Variants in CRIM1 observed in about 807,000 individuals in gnomAD.
The protein encoded by CRIM1 is cysteine-rich motor neuron 1 protein.
CRIM1 carries 32 observed loss-of-function variants against 116.4 expected under a neutral mutation model. The observed-to-expected ratio is 0.27, with a 90% CI of 0.21 to 0.37. The LOEUF (loss-of-function observed/expected upper bound fraction) is 0.37. Among genes scored for constraint, CRIM1 ranks in the 10% least tolerant of loss-of-function variants. The pLI is 1.00. For missense variants in CRIM1, 1,331 were observed against 1,354.8 expected (o/e 0.98, Z 0.28); for synonymous variants, 590 against 509.2 (o/e 1.16, Z -2.13).
intron 1 of CRIM1, among the ~76,000 whole-genome samples, chr2:36,371,627 A>G (rs1328997163): frequency 1.3e-5 from 2 of 152,228 alleles, no homozygotes; most frequent in East Asian, 1.9e-4. Flanking sequence ...AATTTTTTGT[A>G]ATGTTTCCAT....
At chr2:36,464,458 C>T (rs937618004) in intron 4 of CRIM1, 76 bp from the exon 5 acceptor site, 1 of 1,544,688 alleles carries the variant, frequency 6.5e-7, no homozygotes, top group African/African-American at 1.4e-5. Flanking sequence ...CAGCCACTGC[C>T]ACTTTGTTTG....
At chr2:36,409,114 A>G (rs1433244702) in intron 2 of CRIM1, among the ~76,000 whole-genome samples, 1 of 152,162 alleles carries the variant, frequency 6.6e-6, no homozygotes, top group African/African-American at 2.4e-5. Context: ...TCATACGTAA[A>G]AATATACCAC....
At chr2:36,456,366 A>C (rs559773884) in intron 4 of CRIM1, among the ~76,000 whole-genome samples, 1 of 152,128 alleles carries the variant, frequency 6.6e-6, no homozygotes, top group Non-Finnish European at 1.5e-5. Flanking sequence ...CAAAGCATCT[A>C]TTTTCTGAGG....
At chr2:36,377,327 A>G (rs1670401288) in intron 1 of CRIM1, among the ~76,000 whole-genome samples, 1 of 152,262 alleles carries the variant, frequency 6.6e-6, no homozygotes, top group Non-Finnish European at 1.5e-5. Context: ...TGTTAGGGAT[A>G]CAGTCTCAAG....
Position 36,513,602 on chromosome 2 carries a change from C to T in CRIM1, c.1827C>T (p.Leu609=). The stretch of plus-strand genomic sequence containing the variant: ...CACCCATCCTGTCGGGCACTTGTCT[C>T]ACCGTGGATGGTCATCATCATAAAA... ...AGPPILSGTC[L]TVDGHHHKNE... Residue 609 remains leucine (L), a synonymous_variant, in exon 11 of 17, where the codon CTC becomes CTT. Coordinates refer to ENST00000280527, the MANE Select transcript of CRIM1 (RefSeq NM_016441.3). 1 of 1,614,172 alleles carries T rather than the reference C, an allele frequency of 6.2e-7. No individual in the cohort carries two copies. Among genetic ancestry groups the T allele is most frequent in the Non-Finnish European group, 8.5e-7 (1 of 1,180,028 alleles).
chr2:36,444,400 T>C (rs953215927), intron 4 of CRIM1, among the ~76,000 whole-genome samples: 1 of 152,306 alleles, frequency 6.6e-6, no homozygotes, highest in South Asian at 2.1e-4. Context: ...TAGATTTCTT[T>C]CCGTCTGGAT....
intron 11 of CRIM1, among the ~76,000 whole-genome samples, chr2:36,516,201 T>A (rs1303260643): frequency 6.6e-6 from 1 of 152,216 alleles, no homozygotes; most frequent in Non-Finnish European, 1.5e-5. Context: ...ACCACCACTT[T>A]GAAAGTCATA....
At chr2:36,419,470 C>G (rs1008087895) in intron 2 of CRIM1, among the ~76,000 whole-genome samples, 7 of 152,148 alleles carry the variant, frequency 4.6e-5, no homozygotes, top group African/African-American at 1.7e-4. Context: ...TCATTGACAT[C>G]CCAGAATAGG....
chr2:36,399,302 G>C (rs1672253673), intron 2 of CRIM1, among the ~76,000 whole-genome samples: 1 of 152,206 alleles, frequency 6.6e-6, no homozygotes, highest in African/African-American at 2.4e-5. Flanking sequence ...GGTTGTGGTG[G>C]AATGCAAACT....
chr2:36,521,034 T>C (rs1665353672), intron 12 of CRIM1, among the ~76,000 whole-genome samples: 2 of 152,226 alleles, frequency 1.3e-5, no homozygotes, highest in South Asian at 4.1e-4. Context: ...TGATTAGAAG[T>C]GCTCTCTTAT....
intron 14 of CRIM1, among the ~76,000 whole-genome samples, chr2:36,541,224 A>T (rs1408681997): frequency 6.6e-6 from 1 of 152,182 alleles, no homozygotes. Flanking sequence ...CCTCCCAGAA[A>T]TGCTGTGAGG....
At chr2:36,538,145 C>A (rs570471394) in intron 14 of CRIM1, among the ~76,000 whole-genome samples, 1 of 152,262 alleles carries the variant, frequency 6.6e-6, no homozygotes, top group South Asian at 2.1e-4. Context: ...CATCTTTCCC[C>A]ACGCCCCACT....
intron 15 of CRIM1, among the ~76,000 whole-genome samples, chr2:36,546,763 ATTTTTTTT>A (rs775086985): frequency 1.3e-4 from 13 of 101,850 alleles, no homozygotes; most frequent in East Asian, 3.4e-4. Context: ...TCTCACTCTG[ATTTTTTTT>A]TTTTTTTTTT....
At chr2:36,454,774 A>T (rs925159757) in intron 4 of CRIM1, among the ~76,000 whole-genome samples, 55 of 152,236 alleles carry the variant, frequency 3.6e-4, no homozygotes, top group African/African-American at 1.3e-3. Flanking sequence ...TTGGCATGGA[A>T]TGAGTAGTGA....
chr2:36,472,026 T>A (rs1378515189), intron 5 of CRIM1, among the ~76,000 whole-genome samples: 3 of 152,212 alleles, frequency 2.0e-5, no homozygotes, highest in Admixed American at 6.5e-5. Context: ...TACAAAATTC[T>A]CTTTTAGGAG....
chr2:36,504,196 G>A (rs1240373445), intron 8 of CRIM1, among the ~76,000 whole-genome samples: 3 of 152,066 alleles, frequency 2.0e-5, no homozygotes, highest in Admixed American at 2.0e-4. Context: ...TTAAAACAAG[G>A]CCAGCACCCC....
In CRIM1 at chr2:36,550,886, G is replaced by A. The variant is rs1667728616; in HGVS notation, c.*2185G>A. ...AAAATACTAACAGGATATAGGACAA[G>A]GTGTAAATTTTTTTATTATTATTTT... On this transcript the variant is annotated 3_prime_UTR_variant, in exon 17 of 17. Transcript: ENST00000280527. 1 of 152,334 alleles carries A rather than the reference G, an allele frequency of 6.6e-6. No homozygotes were observed. The allele number at this position is 152,334 out of a possible 1,614,324, so 9.4% of individuals were successfully genotyped here. A position where few individuals can be genotyped will look rare whatever the true frequency, so the allele number is the denominator to read the frequency against.
chr2:36,447,339 AT>A (rs1676324246), intron 4 of CRIM1, among the ~76,000 whole-genome samples: 1 of 152,206 alleles, frequency 6.6e-6, no homozygotes, highest in South Asian at 2.1e-4. Context: ...GGGAATATGA[AT>A]TTATATCTCA....
chr2:36,363,445 A>C (rs1285762260), intron 1 of CRIM1, among the ~76,000 whole-genome samples: 1 of 148,506 alleles, frequency 6.7e-6, no homozygotes, highest in Non-Finnish European at 1.5e-5. Flanking sequence ...ATCCCCATCT[A>C]CCTCAGTCAT....
Sources: gnomAD v4.1 joint callset for allele counts (sites outside exome capture counted in the v4.1 genomes callset) on GRCh38, gnomAD v4.1.1 for gene constraint, MANE v1.5 for transcripts, NCBI Gene and HGNC (gene_info 2026-07-23, HGNC 2026-07-21) for gene names.